CCDC171: variants seen among roughly 807,000 people sequenced by gnomAD.
CCDC171 encodes coiled-coil domain containing 171.
In CCDC171, 177 loss-of-function variants were observed where a neutral mutation model predicts 168.2. That is an observed-to-expected ratio of 1.05 (90% CI 0.93 to 1.19). CCDC171 has a LOEUF of 1.19. CCDC171 is among the 50% of genes most tolerant of loss of function. The probability of loss-of-function intolerance (pLI) is 0.00; values close to 1 mark genes in which losing one functional copy is unlikely to be tolerated. For synonymous variants in CCDC171, 687 were observed against 540.8 expected, an observed-to-expected ratio of 1.27 and a Z score of -3.75; for missense variants, 1,991 against 1,539.0, an observed-to-expected ratio of 1.29 and a Z score of -4.91.
At chr9:15,951,938 C>G (rs1011320043) in intron 25 of CCDC171, among the ~76,000 whole-genome samples, 1 of 152,074 alleles carries the variant, frequency 6.6e-6, no homozygotes, top group Non-Finnish European at 1.5e-5. Context: ...AAATCTTTGC[C>G]AAATCCAGGG....
intron 6 of CCDC171, among the ~76,000 whole-genome samples, chr9:16,034,177 C>T (rs1230856638): frequency 6.6e-6 from 1 of 152,180 alleles, no homozygotes; most frequent in African/African-American, 2.4e-5. Flanking sequence ...GTGCTAGGTT[C>T]AGTCACTGGC....
At chr9:15,598,762 C>G (rs1046403420) in intron 6 of CCDC171, among the ~76,000 whole-genome samples, 2 of 152,054 alleles carry the variant, frequency 1.3e-5, no homozygotes, top group African/African-American at 4.8e-5. Context: ...TAAAGTCTCC[C>G]ATTATTATTG....
intron 6 of CCDC171, among the ~76,000 whole-genome samples, chr9:16,029,973 G>A (rs1833340280): frequency 6.6e-6 from 1 of 152,198 alleles, no homozygotes; most frequent in Non-Finnish European, 1.5e-5. Context: ...AAAGCTGTCA[G>A]ATTTGGTGCC....
intron 25 of CCDC171, among the ~76,000 whole-genome samples, chr9:15,956,606 G>T (rs1203339884): frequency 1.3e-5 from 2 of 152,120 alleles, no homozygotes; most frequent in Non-Finnish European, 1.5e-5. Context: ...ATGCTTAGAA[G>T]TGAACATATT....
intron 11 of CCDC171, among the ~76,000 whole-genome samples, chr9:15,715,482 G>C (rs987242835): frequency 6.6e-6 from 1 of 152,132 alleles, no homozygotes; most frequent in Non-Finnish European, 1.5e-5. Flanking sequence ...TATATTAAAT[G>C]TTTGGATTTT....
intron 18 of CCDC171, among the ~76,000 whole-genome samples, chr9:15,764,942 G>C (rs1056969666): frequency 1.3e-5 from 2 of 152,170 alleles, no homozygotes; most frequent in Non-Finnish European, 2.9e-5. Flanking sequence ...TCAACATTTA[G>C]AGGTTAGGAA....
intron 8 of CCDC171, 127 bp downstream of exon 8, chr9:15,657,346 C>A: frequency 1.7e-6 from 1 of 585,188 alleles, no homozygotes; most frequent in Non-Finnish European, 3.1e-6. Context: ...TTATGACACT[C>A]ATTATTGTAT....
chr9:15,730,443 G>A (rs1186149803), intron 16 of CCDC171, among the ~76,000 whole-genome samples: 1 of 151,688 alleles, frequency 6.6e-6, no homozygotes, highest in Admixed American at 6.6e-5. Context: ...ACCTAATCAG[G>A]AATAACTTGA....
chr9:15,760,730 G>A (rs1338897407), intron 18 of CCDC171, among the ~76,000 whole-genome samples: 3 of 152,126 alleles, frequency 2.0e-5, no homozygotes, highest in Non-Finnish European at 1.5e-5. Context: ...AATTCAATGC[G>A]TAGAAAGTGC....
intron 21 of CCDC171, among the ~76,000 whole-genome samples, chr9:15,824,176 A>G (rs576797806): frequency 1.6e-4 from 25 of 152,132 alleles, no homozygotes; most frequent in Admixed American, 1.4e-3. Flanking sequence ...TCATGTATCT[A>G]TGTTTATCTG....
At chr9:15,955,331 C>T (rs1829683854) in intron 25 of CCDC171, among the ~76,000 whole-genome samples, 2 of 152,122 alleles carry the variant, frequency 1.3e-5, no homozygotes, top group Non-Finnish European at 2.9e-5. Context: ...CCTTTAAATT[C>T]CCTGGATGTC....
At chr9:16,008,020 C>T (rs886253611) in intron 3 of CCDC171, among the ~76,000 whole-genome samples, 1 of 152,144 alleles carries the variant, frequency 6.6e-6, no homozygotes, top group African/African-American at 2.4e-5. Context: ...CTTTTCCATT[C>T]TGTGGATTAT....
chr9:15,875,533 C>A (rs1226293466), intron 24 of CCDC171: 1 of 151,722 alleles, frequency 6.6e-6, no homozygotes, highest in African/African-American at 2.4e-5. Context: ...AAGAGACTGT[C>A]CTTGTTCAAT....
intron 3 of CCDC171, among the ~76,000 whole-genome samples, chr9:15,986,488 A>G (rs578244842): frequency 6.4e-4 from 97 of 152,302 alleles, no homozygotes; most frequent in African/African-American, 2.2e-3. Flanking sequence ...CAGGCTTTGA[A>G]ATGCAAAGCC....
intron 2 of CCDC171, among the ~76,000 whole-genome samples, chr9:15,569,830 A>G (rs10962076): frequency 1.8e-5 from 2 of 112,602 alleles, no homozygotes; most frequent in Non-Finnish European, 3.8e-5. Flanking sequence ...AAAACAAAAA[A>G]CAAAAAACAA....
At chr9:15,932,312 T>G (rs565468915) in intron 25 of CCDC171, among the ~76,000 whole-genome samples, 5 of 151,982 alleles carry the variant, frequency 3.3e-5, no homozygotes, top group African/African-American at 1.2e-4. Flanking sequence ...GTGTTCAGTA[T>G]AGAGATTTTT....
chr9:15,668,898 A>T (rs1354504341), intron 9 of CCDC171, among the ~76,000 whole-genome samples: 1 of 152,190 alleles, frequency 6.6e-6, no homozygotes, highest in African/African-American at 2.4e-5. Context: ...AGTTTTGGTT[A>T]ATGTATTCCA....
chr9:15,768,573 A>G (rs117297173), intron 18 of CCDC171, among the ~76,000 whole-genome samples: 1 of 152,360 alleles, frequency 6.6e-6, no homozygotes, highest in Non-Finnish European at 1.5e-5. Flanking sequence ...AAGAAGTAGC[A>G]TCAGTATATT....
At chr9:16,021,692 C>A (rs558441108) in intron 4 of CCDC171, among the ~76,000 whole-genome samples, 1 of 152,168 alleles carries the variant, frequency 6.6e-6, no homozygotes, top group Non-Finnish European at 1.5e-5. Context: ...TGTTTGACCC[C>A]AGAGTGGGTA....
Sources: allele counts gnomAD v4.1 joint callset (sites outside exome capture counted in the v4.1 genomes callset), GRCh38; gene constraint gnomAD v4.1.1; transcripts MANE v1.5; gene names NCBI Gene and HGNC (gene_info 2026-07-23, HGNC 2026-07-21).